MCF2: variants seen among roughly 807,000 people sequenced by gnomAD.
MCF2 encodes MCF.2 cell line derived transforming sequence, also known as proto-oncogene DBL.
Under a neutral mutation model 82.5 loss-of-function variants are expected in MCF2, and 44 were observed. The observed-to-expected ratio is 0.53, with a 90% CI of 0.42 to 0.69. The LOEUF is 0.69. MCF2 is among the 30% of genes least tolerant of loss of function. The pLI is 0.00. For synonymous variants in MCF2, 217 were observed against 224.9 expected (o/e 0.96, Z 0.32); for missense variants, 623 against 663.1 (o/e 0.94, Z 0.66).
At chrX:139,665,926 TACAC>T (rs577470376) in intron 1 of MCF2, among the ~76,000 whole-genome samples, 10 of 73,275 alleles carry the variant, frequency 1.4e-4, no homozygotes, top group African/African-American at 9.6e-4. Context: ...TATATATATA[TACAC>T]ACACACACAA....
At chrX:139,684,853 G>A (rs1935084354) in intron 1 of MCF2, among the ~76,000 whole-genome samples, 2 of 111,916 alleles carry the variant, frequency 1.8e-5, no homozygotes, top group Admixed American at 1.9e-4. Context: ...GACTGCTAAC[G>A]AGTATGGGGT....
chrX:139,633,652 T>C (rs1478009422), intron 1 of MCF2, among the ~76,000 whole-genome samples: 1 of 110,552 alleles, frequency 9.0e-6, no homozygotes, highest in Non-Finnish European at 1.9e-5. Flanking sequence ...GAAAGGATCA[T>C]GGGTTTTTTT....
chrX:139,677,221 T>A (rs1322895383), intron 1 of MCF2, among the ~76,000 whole-genome samples: 2 of 111,697 alleles, frequency 1.8e-5, no homozygotes, highest in African/African-American at 6.5e-5. Flanking sequence ...GGCCACTGCA[T>A]GTGTGAACAG....
At chrX:139,668,875 G>A (rs1027151858) in intron 1 of MCF2, among the ~76,000 whole-genome samples, 1 of 110,529 alleles carries the variant, frequency 9.0e-6, no homozygotes, top group Non-Finnish European at 1.9e-5. Context: ...ATATATATAT[G>A]TATATATATA....
chrX:139,674,431 A>G (rs1325428158), intron 1 of MCF2, among the ~76,000 whole-genome samples: 3 of 111,614 alleles, frequency 2.7e-5, no homozygotes, highest in Non-Finnish European at 5.6e-5. Flanking sequence ...GGTCTTTACA[A>G]TTTGGCATGT....
At chrX:139,651,879 T>C in intron 1 of MCF2, 91 bp from the exon 2 acceptor site, 6 of 538,984 alleles carry the variant, frequency 1.1e-5, no homozygotes, top group Non-Finnish European at 1.8e-5. Flanking sequence ...GTGTCTAAAA[T>C]TATTCTGGGA....
chrX:139,616,498 A>T (rs1343854804), intron 8 of MCF2, 25 bp from the exon 12 acceptor site: 1 of 927,186 alleles, frequency 1.1e-6, no homozygotes, highest in East Asian at 3.3e-5. Context: ...AAGAAGAAAA[A>T]AAAAAAATAT....
intron 1 of MCF2, among the ~76,000 whole-genome samples, chrX:139,663,875 G>T (rs1927762492): frequency 9.0e-6 from 1 of 110,697 alleles, no homozygotes; most frequent in East Asian, 2.8e-4. Flanking sequence ...ATTTAGAATT[G>T]TTATATCCAC....
exon 1 of MCF2, chrX:139,642,732 C>T (rs771410102): frequency 9.4e-7 from 1 of 1,064,848 alleles, no homozygotes; most frequent in South Asian, 2.4e-5. Flanking sequence ...ACAGATCCTT[C>T]CCTTCTGCTC....
At chrX:139,616,287 G>A in exon 9 of MCF2, 1 of 1,085,569 alleles carries the variant, frequency 9.2e-7, no homozygotes, top group African/African-American at 1.8e-5. Context: ...TCTACCTTAA[G>A]CTCAGGAGAT....
upstream of MCF2, among the ~76,000 whole-genome samples, chrX:139,644,074 C>T (rs776877145): frequency 9.8e-5 from 11 of 112,231 alleles, no homozygotes; most frequent in South Asian, 1.9e-3. Flanking sequence ...ATAGCTTTTA[C>T]TTTATTTAGC....
intron 23 of MCF2, among the ~76,000 whole-genome samples, chrX:139,585,563 T>A (rs1258342759): frequency 8.9e-6 from 1 of 111,898 alleles, no homozygotes; most frequent in Non-Finnish European, 1.9e-5. Flanking sequence ...ATATTAAGGA[T>A]CATCATATTA....
intron 16 of MCF2, among the ~76,000 whole-genome samples, chrX:139,599,462 A>G (rs1448808445): frequency 9.1e-6 from 1 of 110,321 alleles, no homozygotes; most frequent in Non-Finnish European, 1.9e-5. Flanking sequence ...AACCAAGCAC[A>G]CTGGAGAAAA....
exon 19 of MCF2, chrX:139,596,637 T>A: frequency 8.3e-7 from 1 of 1,210,177 alleles, no homozygotes; most frequent in African/African-American, 1.7e-5. Context: ...AATGGCTTTT[T>A]CATACAAGAA....
intron 19 of MCF2, 37 bp downstream of exon 23, chrX:139,596,512 G>A (rs1569346685): frequency 2.8e-6 from 3 of 1,086,008 alleles, no homozygotes; most frequent in Middle Eastern, 2.5e-4. Flanking sequence ...ACACACACAC[G>A]AAACAATACT....
chrX:139,626,150 T>C (rs775549527), intron 6 of MCF2, 43 bp downstream of exon 9: 3 of 840,563 alleles, frequency 3.6e-6, no homozygotes, highest in South Asian at 5.3e-5. Context: ...TAAAAACCTC[T>C]GGTGTAATGA....
At chrX:139,585,350 T>A (rs529827865) in intron 23 of MCF2, among the ~76,000 whole-genome samples, 172 bp from the exon 28 acceptor site, 1 of 111,690 alleles carries the variant, frequency 9.0e-6, no homozygotes, top group East Asian at 2.8e-4. Context: ...AAACTATTCA[T>A]GCAACCTGGG....
At chrX:139,611,196 A>G (rs2148448353) in intron 10 of MCF2, among the ~76,000 whole-genome samples, 1 of 111,851 alleles carries the variant, frequency 8.9e-6, no homozygotes, top group Admixed American at 9.5e-5. Flanking sequence ...CAGGAAAGGA[A>G]CAAACCTTTT....
chrX:139,653,182 CAT>C (rs1200019825), intron 1 of MCF2, among the ~76,000 whole-genome samples: 3 of 111,898 alleles, frequency 2.7e-5, no homozygotes, highest in Non-Finnish European at 3.8e-5. Context: ...CAGCTACAAA[CAT>C]GTGTCACATA....
Sources: gnomAD v4.1 joint callset for allele counts (sites outside exome capture counted in the v4.1 genomes callset) on GRCh38, gnomAD v4.1.1 for gene constraint, MANE v1.5 for transcripts, NCBI Gene and HGNC (gene_info 2026-07-23, HGNC 2026-07-21) for gene names.